SPOCK3: variants seen among roughly 807,000 people sequenced by gnomAD.
SPOCK3 encodes testican-3.
SPOCK3 carries 30 observed loss-of-function variants against 56.6 expected under a neutral mutation model. The ratio of observed to expected loss-of-function variants is 0.53; its 90% confidence interval spans 0.40 to 0.72. SPOCK3 has a LOEUF of 0.72. Ranked by LOEUF, SPOCK3 falls within the 30% of genes least tolerant of loss-of-function variation. The pLI is 0.00. For synonymous variants in SPOCK3, 196 were observed against 183.3 expected (o/e 1.07, Z -0.56); for missense variants, 527 against 530.0 (o/e 0.99, Z 0.06).
chr4:167,144,431 T>C (rs1357786491), intron 2 of SPOCK3, among the ~76,000 whole-genome samples: 5 of 151,946 alleles, frequency 3.3e-5, no homozygotes, highest in Non-Finnish European at 5.9e-5. Context: ...ACATAGCCGC[T>C]CAATGCTGTT....
intron 2 of SPOCK3, among the ~76,000 whole-genome samples, chr4:167,219,145 T>C (rs1393107343): frequency 9.2e-5 from 14 of 152,212 alleles, no homozygotes; most frequent in Non-Finnish European, 1.9e-4. Context: ...TAGATGAATC[T>C]GACTGCCTCA....
intron 6 of SPOCK3, among the ~76,000 whole-genome samples, chr4:166,852,974 T>C (rs1018731254): frequency 6.6e-6 from 1 of 152,214 alleles, no homozygotes; most frequent in African/African-American, 2.4e-5. Flanking sequence ...AGACCACCTT[T>C]GGACTAGATG....
intron 2 of SPOCK3, among the ~76,000 whole-genome samples, chr4:167,220,889 A>C (rs1646770368): frequency 6.6e-6 from 1 of 152,188 alleles, no homozygotes; most frequent in African/African-American, 2.4e-5. Flanking sequence ...GGCAACTAGA[A>C]GTTTCCTACT....
intron 9 of SPOCK3, among the ~76,000 whole-genome samples, chr4:166,738,051 T>C (rs1734397563): frequency 6.6e-6 from 1 of 152,232 alleles, no homozygotes. Context: ...TTCCAAGTTC[T>C]TTCCAAATCA....
intron 2 of SPOCK3, among the ~76,000 whole-genome samples, chr4:167,089,367 T>C (rs1758504768): frequency 6.6e-6 from 1 of 152,112 alleles, no homozygotes; most frequent in African/African-American, 2.4e-5. Flanking sequence ...ACTCTTTAAA[T>C]TTAATTTTCT....
chr4:167,186,612 A>C (rs1731986024), intron 2 of SPOCK3, among the ~76,000 whole-genome samples: 1 of 150,710 alleles, frequency 6.6e-6, no homozygotes, highest in African/African-American at 2.4e-5. Context: ...GGACAACAAG[A>C]GCAAAACTCT....
chr4:167,095,960 A>G (rs1281878608), intron 2 of SPOCK3, among the ~76,000 whole-genome samples: 1 of 151,908 alleles, frequency 6.6e-6, no homozygotes, highest in Non-Finnish European at 1.5e-5. Context: ...TTTCTTGTAT[A>G]CTTTCAAGGA....
At chr4:166,755,706 T>G (rs549675940) in intron 7 of SPOCK3, among the ~76,000 whole-genome samples, 2 of 152,232 alleles carry the variant, frequency 1.3e-5, no homozygotes, top group South Asian at 4.1e-4. Context: ...AGATGTAATC[T>G]TCAACAACAG....
rs561852887 is a variant in SPOCK3, at chr4:167,200,235, A to G, written c.189+33750T>C. Among the ~76,000 whole-genome samples, 38 of 152,244 alleles carry G rather than the reference A, an allele frequency of 2.5e-4. No homozygotes were observed. In the East Asian group the frequency reaches 5.0e-3, roughly 20 times the overall value. On this transcript the variant is annotated intron_variant, in intron 2 of 10. Transcript: ENST00000357545. ...ATGGATTGAAATCCTGCTTAAACAG[A>G]TGATCAGCTTAGATATTTCTATGTA...
At chr4:167,084,471 C>A (rs546994790) in intron 2 of SPOCK3, among the ~76,000 whole-genome samples, 2 of 152,284 alleles carry the variant, frequency 1.3e-5, no homozygotes, top group Non-Finnish European at 2.9e-5. Context: ...GGCAAATACA[C>A]TGATGTCAAT....
intron 2 of SPOCK3, among the ~76,000 whole-genome samples, chr4:167,218,664 T>C (rs1376280049): frequency 6.6e-6 from 1 of 152,170 alleles, no homozygotes; most frequent in Non-Finnish European, 1.5e-5. Flanking sequence ...TTTCCTATCT[T>C]GACCACTAAT....
chr4:166,987,169 A>G (rs1267110294), intron 4 of SPOCK3, among the ~76,000 whole-genome samples: 1 of 152,082 alleles, frequency 6.6e-6, no homozygotes, highest in African/African-American at 2.4e-5. Context: ...TTTGGACCTG[A>G]TATCTTACTT....
chr4:166,828,066 C>G (rs1368461521), intron 6 of SPOCK3, among the ~76,000 whole-genome samples: 2 of 152,030 alleles, frequency 1.3e-5, no homozygotes, highest in African/African-American at 4.8e-5. Flanking sequence ...ATGGTTTAAT[C>G]ATTTCCCCTT....
At chr4:166,929,964 C>T (rs370303387) in intron 4 of SPOCK3, among the ~76,000 whole-genome samples, 166 of 152,162 alleles carry the variant, frequency 1.1e-3, no homozygotes, top group African/African-American at 3.6e-3. Context: ...AAGAACTATT[C>T]ATCTAAATAA....
chr4:167,062,523 G>A lies in SPOCK3; in HGVS notation c.204C>T (p.Arg68=), dbSNP rs760901431. 11 of 1,606,896 alleles carry A rather than the reference G, an allele frequency of 6.8e-6. No homozygotes were observed. The African/African-American group carries it at 1.2e-4, about 18-fold the overall frequency. ...WNKFRDDDYF[R]TWSPGKPFDQ... ...CGAAGGGTTTTCCTGGACTCCAAGTGCGGAAATAATCATCCTAAGGGGGAA... is the reference window on the plus strand; with the variant it reads ...CGAAGGGTTTTCCTGGACTCCAAGTACGGAAATAATCATCCTAAGGGGGAA... Residue 68 remains arginine (R), a synonymous_variant, in exon 3 of 11, where the codon CGC becomes CGT. Coordinates refer to ENST00000357545, the MANE Select transcript of SPOCK3 (RefSeq NM_001040159.2).
chr4:167,062,499 G>T lies in SPOCK3; in HGVS notation c.228C>A (p.Phe76Leu), dbSNP rs768520189. The change falls in exon 3 of 11, where the codon TTC becomes TTA. Residue 76 changes from phenylalanine to leucine, a missense_variant. Physicochemically the swap from Phe to Leu is conservative, Grantham distance 22. Coordinates refer to ENST00000357545, the MANE Select transcript of SPOCK3 (RefSeq NM_001040159.2). ...YFRTWSPGKP[F>L]DQALDPAKDP... ...AAATAGTTAGATTCTTACCCTGATC[G>T]AAGGGTTTTCCTGGACTCCAAGTGC... 6.2e-7 allele frequency: 1 copy of T among 1,603,246 alleles called. No individual in the cohort carries two copies. Among genetic ancestry groups the T allele is most frequent in the Non-Finnish European group, 8.5e-7 (1 of 1,171,656 alleles).
rs142018738 is a variant in SPOCK3 at position 166,840,145 on chromosome 4, T to G, written c.590-47856A>C. On this transcript the variant is annotated intron_variant, in intron 6 of 10. Transcript: ENST00000357545. ...GAAAAAGTAGTGGTACCTCATTATC[T>G]CCAGCGGAAGTGAAATCTAAGTTCT... Among the ~76,000 whole-genome samples the G allele has an allele frequency of 2.0e-4, 30 of 152,324 alleles. No homozygotes were observed. The East Asian group carries it at 5.0e-3, about 25-fold the overall frequency.
intron 2 of SPOCK3, among the ~76,000 whole-genome samples, chr4:167,114,882 A>G (rs538539287): frequency 6.6e-6 from 1 of 151,992 alleles, no homozygotes; most frequent in African/African-American, 2.4e-5. Flanking sequence ...TCCAGCATTC[A>G]TGGAAAGTTA....
At chr4:167,143,886 T>C (rs1763726233) in intron 2 of SPOCK3, among the ~76,000 whole-genome samples, 1 of 151,872 alleles carries the variant, frequency 6.6e-6, no homozygotes, top group Non-Finnish European at 1.5e-5. Flanking sequence ...TGAACAAGGA[T>C]TGGAAAGTGG....
Sources: allele counts gnomAD v4.1 joint callset (sites outside exome capture counted in the v4.1 genomes callset), GRCh38; gene constraint gnomAD v4.1.1; transcripts MANE v1.5; gene names NCBI Gene and HGNC (gene_info 2026-07-23, HGNC 2026-07-21).